The following DBT variants were observed in gnomAD, a reference collection of about 807,000 sequenced individuals.
The protein encoded by DBT is lipoamide acyltransferase component of branched-chain alpha-keto acid dehydrogenase complex, mitochondrial.
In DBT, 40 loss-of-function variants were observed where a neutral mutation model predicts 51.3. That is an observed-to-expected ratio of 0.78 (90% CI 0.61 to 1.02). The LOEUF is 1.02. Ranked by LOEUF, DBT falls within the 50% of genes least tolerant of loss-of-function variation. The pLI is 0.00. For synonymous variants in DBT, 181 were observed against 190.4 expected (o/e 0.95, Z 0.41); for missense variants, 510 against 580.2 (o/e 0.88, Z 1.24).
rs1271283517 is a variant in DBT, at chr1:100,188,992, C to T, written c.*7263G>A. The stretch of plus-strand genomic sequence containing the variant: ...TTCCATTTTATTCTGAACTTGCAAA[C>T]ATCAGAGATTCGTGCTATCTTCAGT... On this transcript the variant is annotated 3_prime_UTR_variant, in exon 11 of 11. Transcript: ENST00000370132. 6.6e-6 allele frequency: 1 copy of T among 152,160 alleles called. No individual in the cohort carries two copies. The highest frequency in any genetic ancestry group is 1.5e-5 in the Non-Finnish European group (1 of 68,046). The allele number at this position is 152,160 out of a possible 1,614,324, so 9.4% of individuals were successfully genotyped here. A position where few individuals can be genotyped will look rare whatever the true frequency, so the allele number is the denominator to read the frequency against.
chr1:100,235,499 T>C lies in DBT; in HGVS notation c.188A>G (p.Gln63Arg). Residue 63 changes from glutamine (Q) to arginine (R), a missense_variant, in exon 3 of 11, where the codon CAG (glutamine) becomes CGG (arginine). Physicochemically the swap from Gln to Arg is conservative, Grantham distance 43. Coordinates refer to ENST00000370132, the MANE Select transcript of DBT (RefSeq NM_001918.5). The stretch of plus-strand genomic sequence containing the variant: ...GTCTGAGAGCTTGAACTGAACAACC[T>C]GTCCACGGAGAGCTTCAAAGACAAA... The part of the protein sequence containing the change: ...FLKTTAALRG[Q>R]VVQFKLSDIG... 6.3e-7 allele frequency: 1 copy of C among 1,583,760 alleles called. No individual in the cohort carries two copies.
rs533707792 is a variant in DBT at position 100,240,874 on chromosome 1, C to T, written c.62G>A (p.Arg21His). ...SRNAGKLICV[R>H]YFQTCGNVHV... is the part of the protein sequence containing the mutation. ...AACATTACCACATGTTTGAAAATAG[C>T]GAACACAAATCTACAGATGAGAAAA... Residue 21 changes from arginine (R) to histidine (H), a missense_variant, in exon 2 of 11, where the codon CGC becomes CAC. Physicochemically the swap from Arg to His is conservative, Grantham distance 29. Transcript: ENST00000370132. 1.0e-4 allele frequency: 169 copies of T among 1,613,022 alleles called. 2 individuals carry two copies. The South Asian group carries it at 1.1e-3, about 11-fold the overall frequency.
rs1323807676 is a variant in DBT, at chr1:100,225,047, A to G, written c.433+5686T>C. Among the ~76,000 whole-genome samples, 37 of 81,482 alleles carry G rather than the reference A, an allele frequency of 4.5e-4. 1 individual carries two copies. The highest frequency in any genetic ancestry group is 8.8e-4 in the East Asian group (2 of 2,266). 53.5% of individuals were successfully genotyped at this position (81,482 alleles called of 152,430 possible). A position where few individuals can be genotyped will look rare whatever the true frequency, so the allele number is the denominator to read the frequency against. The stretch of plus-strand genomic sequence containing the variant: ...CAAAAAAAAAAAAAAAAAAAAATAT[A>G]TATATACACACACACACACACACAC... On this transcript the variant is annotated intron_variant, in intron 4 of 10. Transcript: ENST00000370132.
intron 7 of DBT, 150 bp downstream of exon 7, chr1:100,214,667 T>C (rs1448636335): frequency 4.0e-6 from 3 of 755,572 alleles, no homozygotes; most frequent in African/African-American, 1.7e-5. Flanking sequence ...GGCAAGAGAA[T>C]TGTTTAAACC....
chr1:100,189,377 G>A lies in DBT; in HGVS notation c.*6878C>T, dbSNP rs1660709570. 1 of 151,836 alleles carries A rather than the reference G, an allele frequency of 6.6e-6. No individual in the cohort carries two copies. Among genetic ancestry groups the A allele is most frequent in the Admixed American group, 6.6e-5 (1 of 15,212 alleles). 9.4% of individuals were successfully genotyped at this position (151,836 alleles called of 1,614,324 possible). A position where few individuals can be genotyped will look rare whatever the true frequency, so the allele number is the denominator to read the frequency against. On this transcript the variant is annotated 3_prime_UTR_variant, in exon 11 of 11. Transcript: ENST00000370132. ...AAAAAAAAAAAAAAAAAAAGCCTGT[G>A]GTTATTTTGATGGGATAGCAAGGAT... is the stretch of plus-strand genomic sequence containing the variant.
intron 4 of DBT, among the ~76,000 whole-genome samples, chr1:100,219,710 C>T (rs76609629): frequency 0.027 from 4,045 of 151,986 alleles, 72 homozygotes; most frequent in Non-Finnish European, 0.044. Flanking sequence ...GTTGGCGCCA[C>T]GGCACTCTAG....
At chr1:100,241,685 C>T (rs1664219976) in intron 1 of DBT, among the ~76,000 whole-genome samples, 1 of 152,156 alleles carries the variant, frequency 6.6e-6, no homozygotes. Context: ...GTGCGAGCCA[C>T]CATGCCAGGC....
chr1:100,207,967 C>G (rs1293770892), intron 8 of DBT, among the ~76,000 whole-genome samples: 2 of 151,910 alleles, frequency 1.3e-5, no homozygotes, highest in Admixed American at 6.6e-5. Flanking sequence ...CCCATCTGTA[C>G]GAAAAATACA....
Position 100,230,896 on chromosome 1 carries a change from A to G in DBT, c.270T>C (p.Asp90=), listed in dbSNP as rs913574975. The G allele has an allele frequency of 3.8e-6, 6 of 1,599,108 alleles. No homozygotes were observed. The highest frequency in any genetic ancestry group is 5.1e-6 in the Non-Finnish European group (6 of 1,166,770). ...AGATGCTATCAAACTGAGACACTGT[A>G]TCTCCTTCTTTTACATACCTAAAAG... ...TVKEWYVKEG[D]TVSQFDSICE... The change falls in exon 4 of 11, where the codon GAT becomes GAC. Residue 90 remains aspartate (D), a synonymous_variant. Transcript: ENST00000370132.
At chr1:100,231,873 T>A (rs917857457) in intron 3 of DBT, among the ~76,000 whole-genome samples, 9 of 152,200 alleles carry the variant, frequency 5.9e-5, no homozygotes, top group African/African-American at 1.7e-4. Flanking sequence ...CCAATTTCCA[T>A]CCTCCTTTCC....
rs1660933510 is a variant in DBT at position 100,193,930 on chromosome 1, GA to G, written c.*2324del. The G allele has an allele frequency of 6.6e-6, 1 of 152,130 alleles. No homozygotes were observed. The highest frequency in any genetic ancestry group is 6.5e-5 in the Admixed American group (1 of 15,270). 9.4% of individuals were successfully genotyped at this position (152,130 alleles called of 1,614,324 possible). A position where few individuals can be genotyped will look rare whatever the true frequency, so the allele number is the denominator to read the frequency against. ...CAGCCATTTAAAGCATGACAATGTG[GA>G]ATTGTTTATTGACATGTAAGGTTAC... On this transcript the variant is annotated 3_prime_UTR_variant, in exon 11 of 11. Transcript: ENST00000370132.
rs1660858981 is a variant in DBT at position 100,192,498 on chromosome 1, T to TG, written c.*3756dup. On this transcript the variant is annotated 3_prime_UTR_variant, in exon 11 of 11. Coordinates refer to ENST00000370132, the MANE Select transcript of DBT (RefSeq NM_001918.5). ...GGTACTGTAGGGCAGTGCTGAGCCC[T>TG]GTCATTTCTTTCTTAAACCATAGTT... 2.0e-5 allele frequency: 3 copies of TG among 152,344 alleles called. No individual in the cohort carries two copies. In the South Asian group the frequency reaches 6.2e-4, roughly 32 times the overall value. The allele number at this position is 152,344 out of a possible 1,614,324, so 9.4% of individuals were successfully genotyped here.
At chr1:100,221,914 C>T (rs1435159890) in intron 4 of DBT, among the ~76,000 whole-genome samples, 2 of 152,140 alleles carry the variant, frequency 1.3e-5, no homozygotes, top group South Asian at 2.1e-4. Context: ...CCTTAATTCA[C>T]TCAGCTAGGA....
rs755505141 is a variant in DBT at position 100,249,803 on chromosome 1, C to G, written c.18G>C (p.Met6Ile). MAAVR[M>I]LRTWSRNAGK... ...CCGCATTCCTGCTCCAGGTTCTCAG[C>G]ATACGGACTGCAGCCATCTTACCCC... Residue 6 changes from methionine (M) to isoleucine (I), a missense_variant, in exon 1 of 11, where the codon ATG becomes ATC. Coordinates refer to ENST00000370132, the MANE Select transcript of DBT (RefSeq NM_001918.5). 6.2e-7 allele frequency: 1 copy of G among 1,614,110 alleles called. No homozygotes were observed. Among genetic ancestry groups the G allele is most frequent in the African/African-American group, 1.3e-5 (1 of 74,938 alleles).
At chr1:100,219,517 A>G (rs1395000868) in intron 4 of DBT, among the ~76,000 whole-genome samples, 2 of 152,130 alleles carry the variant, frequency 1.3e-5, no homozygotes, top group Non-Finnish European at 2.9e-5. Flanking sequence ...AGGTGGGTGG[A>G]TCACTTACTT....
Position 100,214,845 on chromosome 1 carries a change from T to G in DBT, c.911A>C (p.Lys304Thr), listed in dbSNP as rs747069543. The change falls in exon 7 of 11, where the codon AAA becomes ACA. Residue 304 changes from lysine (K) to threonine (T), a missense_variant. Transcript: ENST00000370132. ...LKPIAFARGI[K>T]LSFMPFFLKA... is the part of the protein sequence containing the mutation. ...TAAGAAGAAAGGCATAAAGGAGAGT[T>G]TAATTCCACGAGCAAATGCAATGGG... The G allele has an allele frequency of 6.2e-7, 1 of 1,614,110 alleles. No homozygotes were observed. Among genetic ancestry groups the G allele is most frequent in the Non-Finnish European group, 8.5e-7 (1 of 1,180,022 alleles).
Position 100,187,639 on chromosome 1 carries a change from T to G in DBT, c.*8616A>C, listed in dbSNP as rs1660623768. On this transcript the variant is annotated 3_prime_UTR_variant, in exon 11 of 11. Transcript: ENST00000370132. ...ACCTCCTGGGCACAGGTGATCTCACTTCAGCTTCCCGAGTAGCTGGGACCA... is the reference window on the plus strand; with the variant it reads ...ACCTCCTGGGCACAGGTGATCTCACGTCAGCTTCCCGAGTAGCTGGGACCA... The G allele has an allele frequency of 6.6e-6, 1 of 151,864 alleles. No individual in the cohort carries two copies. The highest frequency in any genetic ancestry group is 2.4e-5 in the African/African-American group (1 of 41,328). 9.4% of individuals were successfully genotyped at this position (151,864 alleles called of 1,614,324 possible).
At chr1:100,199,592 T>C (rs1247814738) in intron 10 of DBT, among the ~76,000 whole-genome samples, 2 of 152,168 alleles carry the variant, frequency 1.3e-5, no homozygotes, top group African/African-American at 2.4e-5. Context: ...TAATAGGTTT[T>C]TGGATTCCCA....
chr1:100,224,532 G>C (rs1043763894), intron 4 of DBT, among the ~76,000 whole-genome samples: 3 of 152,070 alleles, frequency 2.0e-5, no homozygotes, highest in African/African-American at 7.2e-5. Context: ...AATAAAACTA[G>C]CATGCAAGAT....
Sources: allele counts gnomAD v4.1 joint callset (sites outside exome capture counted in the v4.1 genomes callset), GRCh38; gene constraint gnomAD v4.1.1; transcripts MANE v1.5; gene names NCBI Gene and HGNC (gene_info 2026-07-23, HGNC 2026-07-21).